LINGO2: variants seen among roughly 807,000 people sequenced by gnomAD.
LINGO2 encodes the protein leucine-rich repeat and immunoglobulin-like domain-containing nogo receptor-interacting protein 2.
In LINGO2, 14 loss-of-function variants were observed where a neutral mutation model predicts 30.6. The observed-to-expected ratio is 0.46, with a 90% CI of 0.30 to 0.72. LINGO2 has a LOEUF of 0.72. Ranked by LOEUF, LINGO2 falls within the 30% of genes least tolerant of loss-of-function variation. The pLI is 0.07. For synonymous variants in LINGO2, 317 were observed against 288.5 expected (o/e 1.10, Z -1.00); for missense variants, 729 against 751.7 (o/e 0.97, Z 0.35).
chr9:28,129,145 C>T lies in LINGO2; in HGVS notation c.-86-116740G>A, dbSNP rs1003110265. The stretch of plus-strand genomic sequence containing the variant: ...GAATGAAGCCTGCACTGTCAACTTC[C>T]CTACTTTTGAGGCTTTGGGACTCGG... On this transcript the variant is annotated intron_variant, in intron 4 of 5. Transcript: ENST00000379992. The surrounding 1 kb of genome is among the most constrained non-coding windows in gnomAD (Gnocchi z 4.0). Among the ~76,000 whole-genome samples, 1 of 152,154 alleles carries T rather than the reference C, an allele frequency of 6.6e-6. No homozygotes were observed. The highest frequency in any genetic ancestry group is 1.5e-5 in the Non-Finnish European group (1 of 68,016).
intron 1 of LINGO2, among the ~76,000 whole-genome samples, chr9:28,506,445 C>T (rs28673229): frequency 3.0e-4 from 18 of 60,426 alleles, no homozygotes; most frequent in African/African-American, 6.2e-4. Flanking sequence ...CACACACACA[C>T]ACACACACAC....
chr9:27,973,658 C>G (rs569939581), intron 5 of LINGO2, among the ~76,000 whole-genome samples: 11 of 152,114 alleles, frequency 7.2e-5, no homozygotes, highest in Non-Finnish European at 1.3e-4. Context: ...CAGCTTAGCC[C>G]AGCCTTTGGG....
the LINGO2 span, among the ~76,000 whole-genome samples, chr9:28,895,289 A>T: frequency 6.6e-6 from 1 of 152,168 alleles, no homozygotes; most frequent in African/African-American, 2.4e-5. Flanking sequence ...ATAAAAACAA[A>T]CAAGCAAACC....
intron 4 of LINGO2, among the ~76,000 whole-genome samples, chr9:28,236,271 C>G (rs2133954486): frequency 6.6e-6 from 1 of 152,200 alleles, no homozygotes; most frequent in Non-Finnish European, 1.5e-5. Context: ...CTGTCCCAGA[C>G]AAACAAAAGC....
At chr9:28,104,278 T>TTTTTTTTTC in intron 4 of LINGO2, among the ~76,000 whole-genome samples, 1 of 148,042 alleles carries the variant, frequency 6.8e-6, no homozygotes, top group African/African-American at 2.5e-5. Context: ...TTTTTTTTTT[T>TTTTTTTTTC]TTTTTTTTGC....
intron 4 of LINGO2, among the ~76,000 whole-genome samples, chr9:28,023,426 C>A (rs763313505): frequency 6.6e-6 from 1 of 152,134 alleles, no homozygotes; most frequent in African/African-American, 2.4e-5. Flanking sequence ...AGAATCTATG[C>A]CTGGCAGTTC....
intron 4 of LINGO2, among the ~76,000 whole-genome samples, chr9:28,020,077 C>T (rs554920707): frequency 2.0e-5 from 3 of 152,268 alleles, no homozygotes; most frequent in African/African-American, 7.2e-5. Context: ...GCCTCAGAAA[C>T]ACTACACTAG....
At chr9:29,203,177 C>A in the LINGO2 span, among the ~76,000 whole-genome samples, 1 of 151,910 alleles carries the variant, frequency 6.6e-6, no homozygotes, top group Non-Finnish European at 1.5e-5. Flanking sequence ...TGATTATAAT[C>A]AAAAAGTTCT....
At chr9:28,876,841 G>C in the LINGO2 span, among the ~76,000 whole-genome samples, 15,757 of 151,952 alleles carry the variant, frequency 0.1, 1,247 homozygotes, top group African/African-American at 0.22. Context: ...CTTCCACAAT[G>C]GTTGAACTAG....
At chr9:28,874,395 T>G in the LINGO2 span, among the ~76,000 whole-genome samples, 1 of 152,102 alleles carries the variant, frequency 6.6e-6, no homozygotes, top group Non-Finnish European at 1.5e-5. Flanking sequence ...TTTACTCATC[T>G]TTAAAATAAC....
intron 2 of LINGO2, among the ~76,000 whole-genome samples, chr9:28,374,006 T>C (rs899223353): frequency 3.3e-5 from 5 of 151,898 alleles, no homozygotes; most frequent in Admixed American, 6.6e-5. Context: ...ATGACACAGA[T>C]GCATGTTACA....
At chr9:28,322,170 T>C (rs1051352611) in intron 3 of LINGO2, among the ~76,000 whole-genome samples, 2 of 152,194 alleles carry the variant, frequency 1.3e-5, no homozygotes, top group African/African-American at 2.4e-5. Context: ...GCCTTGGGCC[T>C]GTGCTCCAAC....
intron 2 of LINGO2, among the ~76,000 whole-genome samples, chr9:28,427,731 C>T (rs11999408): frequency 0.3 from 45,712 of 151,910 alleles, 7,852 homozygotes; most frequent in Non-Finnish European, 0.38. Flanking sequence ...ACAATGTGTT[C>T]GTTCCAAAGG....
chr9:28,275,459 C>T (rs187867401), intron 4 of LINGO2, among the ~76,000 whole-genome samples: 2 of 152,228 alleles, frequency 1.3e-5, no homozygotes, highest in African/African-American at 4.8e-5. Context: ...CATCAGTCTT[C>T]AACTCAAAGA....
chr9:27,974,530 C>A (rs1280802692), intron 5 of LINGO2, among the ~76,000 whole-genome samples: 1 of 152,112 alleles, frequency 6.6e-6, no homozygotes, highest in Non-Finnish European at 1.5e-5. Context: ...GAAGAACCTG[C>A]AACACAGTCC....
the LINGO2 span, among the ~76,000 whole-genome samples, chr9:29,038,958 G>A: frequency 1.6e-4 from 24 of 152,198 alleles, no homozygotes; most frequent in African/African-American, 5.3e-4. Context: ...TGCTCATTAG[G>A]CTTTAACTGG....
At chr9:28,591,677 G>T (rs1380763495) in intron 1 of LINGO2, among the ~76,000 whole-genome samples, 2 of 152,062 alleles carry the variant, frequency 1.3e-5, no homozygotes, top group Non-Finnish European at 2.9e-5. Flanking sequence ...AGGTTGAAAG[G>T]TGAAAGAGAT....
chr9:28,641,277 C>A (rs12340345), intron 1 of LINGO2, among the ~76,000 whole-genome samples: 2 of 152,172 alleles, frequency 1.3e-5, no homozygotes, highest in South Asian at 4.1e-4. Flanking sequence ...ACCTCATGAT[C>A]TGCTTGCCTC....
chr9:29,174,356 G>A, the LINGO2 span, among the ~76,000 whole-genome samples: 1 of 152,134 alleles, frequency 6.6e-6, no homozygotes, highest in Non-Finnish European at 1.5e-5. Context: ...ACCATATTGT[G>A]AAAAAGTGAA....
Sources: allele counts gnomAD v4.1 joint callset (sites outside exome capture counted in the v4.1 genomes callset), GRCh38; gene constraint gnomAD v4.1.1; non-coding constraint Gnocchi (gnomAD v3.1); transcripts MANE v1.5; gene names NCBI Gene and HGNC (gene_info 2026-07-23, HGNC 2026-07-21).